PRMT9: variants seen among roughly 807,000 people sequenced by gnomAD.
PRMT9 encodes the protein protein arginine N-methyltransferase 9.
A neutral mutation model predicts 83.2 loss-of-function variants in PRMT9; 59 were observed. The observed-to-expected ratio is 0.71, with a 90% CI of 0.57 to 0.88. The LOEUF (loss-of-function observed/expected upper bound fraction) is 0.88, where lower values mean the gene tolerates loss of function less well. Ranked by LOEUF, PRMT9 falls within the 40% of genes least tolerant of loss-of-function variation. The pLI is 0.00. For synonymous variants in PRMT9, 333 were observed against 353.2 expected (o/e 0.94, Z 0.64); for missense variants, 947 against 1,021.9 (o/e 0.93, Z 1.00).
chr4:147,657,051 G>C (rs12508763), intron 8 of PRMT9, among the ~76,000 whole-genome samples: 1 of 151,900 alleles, frequency 6.6e-6, no homozygotes, highest in Non-Finnish European at 1.5e-5. Context: ...GGGAAGTTCA[G>C]ATTCATGAAC....
chr4:147,656,788 A>AG (rs1246834808), intron 8 of PRMT9, among the ~76,000 whole-genome samples: 2 of 149,436 alleles, frequency 1.3e-5, no homozygotes, highest in Non-Finnish European at 3.0e-5. Context: ...AAAAAAAAAA[A>AG]AAAAAAAGAA....
At chr4:147,646,189 CAA>C (rs1314586054) in intron 9 of PRMT9, among the ~76,000 whole-genome samples, 1 of 152,126 alleles carries the variant, frequency 6.6e-6, no homozygotes, top group Non-Finnish European at 1.5e-5. Flanking sequence ...TCAAAAGGAT[CAA>C]GTTTAATCCT....
chr4:147,647,066 A>T (rs991287781), intron 9 of PRMT9, among the ~76,000 whole-genome samples: 28 of 152,184 alleles, frequency 1.8e-4, no homozygotes, highest in African/African-American at 6.8e-4. Flanking sequence ...CAAAACAGCC[A>T]CTGTAAAACT....
intron 1 of PRMT9, among the ~76,000 whole-genome samples, chr4:147,682,835 T>A (rs1475460718): frequency 6.6e-6 from 1 of 152,114 alleles, no homozygotes; most frequent in African/African-American, 2.4e-5. Context: ...ACTACAAACA[T>A]CTAGACGCTA....
chr4:147,645,516 G>T (rs1203594434), intron 9 of PRMT9, among the ~76,000 whole-genome samples: 2 of 152,082 alleles, frequency 1.3e-5, no homozygotes, highest in African/African-American at 4.8e-5. Context: ...GTGATATGTA[G>T]GGGAAAACAT....
chr4:147,671,935 T>C, intron 4 of PRMT9: 1 of 452,474 alleles, frequency 2.2e-6, no homozygotes, highest in South Asian at 1.6e-5. Context: ...GAAAGCAGAA[T>C]CTGCAATCCA....
At chr4:147,677,988 A>G (rs966093990) in intron 2 of PRMT9, among the ~76,000 whole-genome samples, 1 of 152,186 alleles carries the variant, frequency 6.6e-6, no homozygotes, top group African/African-American at 2.4e-5. Context: ...CCACACTGAA[A>G]AAAAAAAGCA....
At chr4:147,670,928 G>T (rs933248352) in intron 4 of PRMT9, among the ~76,000 whole-genome samples, 185 bp from the exon 5 acceptor site, 26 of 152,066 alleles carry the variant, frequency 1.7e-4, no homozygotes, top group Non-Finnish European at 1.5e-5. Flanking sequence ...TGTTCCTTAA[G>T]CTCCTTTGTT....
chr4:147,680,148 C>A (rs1277399219), intron 2 of PRMT9, among the ~76,000 whole-genome samples, 175 bp downstream of exon 2: 1 of 152,160 alleles, frequency 6.6e-6, no homozygotes, highest in African/African-American at 2.4e-5. Flanking sequence ...GGCTATTATG[C>A]CGTATATTAC....
In PRMT9 at chr4:147,639,131, G is replaced by A. The variant is rs1159460239; in HGVS notation, c.2200-49C>T. 3 of 1,602,334 alleles carry A rather than the reference G, an allele frequency of 1.9e-6. No individual in the cohort carries two copies. The African/African-American group carries it at 4.0e-5, about 21-fold the overall frequency. On this transcript the variant is annotated intron_variant, in intron 10 of 11. Transcript: ENST00000322396. ...CTTTCACTTTTTCTTTTTGTGGTCA[G>A]GGCTCAAGTTTTTCACTTTTACACA...
intron 5 of PRMT9, among the ~76,000 whole-genome samples, chr4:147,669,359 A>C (rs1185367812): frequency 6.6e-6 from 1 of 152,190 alleles, no homozygotes; most frequent in African/African-American, 2.4e-5. Context: ...CCTGGGCAAG[A>C]GAGTGAGACC....
intron 4 of PRMT9, among the ~76,000 whole-genome samples, chr4:147,672,412 T>C (rs1735797485): frequency 6.6e-6 from 1 of 152,230 alleles, no homozygotes; most frequent in South Asian, 2.1e-4. Context: ...ATTTTCAAAT[T>C]CCTTCTAGCT....
chr4:147,680,384 C>T lies in PRMT9; in HGVS notation c.277G>A (p.Ala93Thr). Residue 93 changes from alanine to threonine, a missense_variant, in exon 2 of 12, where the codon GCC (alanine) becomes ACC (threonine). Transcript: ENST00000322396. Reference protein sequence around the residue: ...IQDLLGCYEQALELFPDDEVI... With the variant: ...IQDLLGCYEQTLELFPDDEVI... ...TCATCATCAGGAAACAGTTCCAAGG[C>T]CTGCTCATAGCAACCAAGTAAGTCT... is the stretch of plus-strand genomic sequence containing the variant. 6.2e-7 allele frequency: 1 copy of T among 1,614,074 alleles called. No individual in the cohort carries two copies. The highest frequency in any genetic ancestry group is 1.1e-5 in the South Asian group (1 of 91,072).
chr4:147,649,912 T>TTAACAGAATGAAGAC (rs1472782834), intron 9 of PRMT9, among the ~76,000 whole-genome samples: 1 of 152,178 alleles, frequency 6.6e-6, no homozygotes, highest in Non-Finnish European at 1.5e-5. Context: ...ATACATCACA[T>TTAACAGAATGAAGAC]TAACAGAATG....
chr4:147,671,930 C>T, intron 4 of PRMT9: 1 of 453,678 alleles, frequency 2.2e-6, no homozygotes. Flanking sequence ...AACAAGAAAG[C>T]AGAATCTGCA....
At chr4:147,665,124 C>A (rs200378218) in intron 6 of PRMT9, among the ~76,000 whole-genome samples, 2,122 of 116,396 alleles carry the variant, frequency 0.018, no homozygotes, top group African/African-American at 0.019. Context: ...TCTGTCTAAA[C>A]AAAAAAAAAA....
chr4:147,682,232 C>T (rs1348262838), intron 1 of PRMT9, among the ~76,000 whole-genome samples: 2 of 151,728 alleles, frequency 1.3e-5, no homozygotes, highest in South Asian at 2.1e-4. Flanking sequence ...CAGGCTGGAG[C>T]GCAATGGCGT....
At chr4:147,645,946 T>G (rs1185935052) in intron 9 of PRMT9, among the ~76,000 whole-genome samples, 1 of 152,178 alleles carries the variant, frequency 6.6e-6, no homozygotes, top group African/African-American at 2.4e-5. Flanking sequence ...ATTCATAAAT[T>G]AGCCTAAAAA....
chr4:147,642,733 C>A, intron 10 of PRMT9, 54 bp downstream of exon 10: 1 of 1,450,164 alleles, frequency 6.9e-7, no homozygotes, highest in Non-Finnish European at 9.7e-7. Context: ...AAAGAGAGAG[C>A]GATGGTAGAC....
Sources: gnomAD v4.1 joint callset for allele counts (sites outside exome capture counted in the v4.1 genomes callset) on GRCh38, gnomAD v4.1.1 for gene constraint, MANE v1.5 for transcripts, NCBI Gene and HGNC (gene_info 2026-07-23, HGNC 2026-07-21) for gene names.